The following TNFRSF10A variants were observed in gnomAD, a reference collection of about 807,000 sequenced individuals.
The protein encoded by TNFRSF10A is tumor necrosis factor receptor superfamily member 10A.
Under a neutral mutation model 42.8 loss-of-function variants are expected in TNFRSF10A, and 44 were observed. That is an observed-to-expected ratio of 1.03 (90% confidence interval 0.81 to 1.32). The LOEUF (loss-of-function observed/expected upper bound fraction) is 1.32. TNFRSF10A is among the 40% of genes most tolerant of loss of function. The pLI is 0.00. For missense variants in TNFRSF10A, 680 were observed against 602.0 expected, an observed-to-expected ratio of 1.13 and a Z score of -1.36; for synonymous variants, 259 against 234.2, an observed-to-expected ratio of 1.11 and a Z score of -0.97.
chr8:23,191,938 T>G lies in TNFRSF10A; in HGVS notation c.1163A>C (p.Asp388Ala). 3 of 1,614,148 alleles carry G rather than the reference T, an allele frequency of 1.9e-6. No individual in the cohort carries two copies. The highest frequency in any genetic ancestry group is 2.5e-6 in the Non-Finnish European group (3 of 1,180,028). Residue 388 changes from aspartate to alanine, a missense_variant, in exon 10 of 10, where the codon GAC becomes GCC. By Grantham distance (126) the Asp-to-Ala change is moderately radical (BLOSUM62 -2). Coordinates refer to ENST00000221132, the MANE Select transcript of TNFRSF10A (RefSeq NM_003844.4). ...CACATCGATCTCATTTTTCGTGAGG[T>G]CCAGCTGCCTCATGAGCTGGTCCCA... ...DSWDQLMRQL[D>A]LTKNEIDVVR...
intron 7 of TNFRSF10A, among the ~76,000 whole-genome samples, 188 bp from the exon 8 acceptor site, chr8:23,199,636 C>T (rs568777372): frequency 5.9e-4 from 90 of 152,246 alleles, no homozygotes; most frequent in Middle Eastern, 3.4e-3. Context: ...TCACCCCATC[C>T]CCAGGGTACA....
rs935629570 is a variant in TNFRSF10A at position 23,190,662 on chromosome 8, T to C, written c.*1032A>G. 1 of 152,226 alleles carries C rather than the reference T, an allele frequency of 6.6e-6. No individual in the cohort carries two copies. Among genetic ancestry groups the C allele is most frequent in the Non-Finnish European group, 1.5e-5 (1 of 68,038 alleles). The allele number at this position is 152,226 out of a possible 1,614,324, so 9.4% of individuals were successfully genotyped here. A position where few individuals can be genotyped will look rare whatever the true frequency, so the allele number is the denominator to read the frequency against. The stretch of plus-strand genomic sequence containing the variant: ...ACTGGACGGCCACCATCTTATATGC[T>C]GTTCCCTTGACTGAAATGTTGTGGG... On this transcript the variant is annotated 3_prime_UTR_variant, in exon 10 of 10. Coordinates refer to ENST00000221132, the MANE Select transcript of TNFRSF10A (RefSeq NM_003844.4).
chr8:23,219,118 A>C (rs73222598), intron 1 of TNFRSF10A, among the ~76,000 whole-genome samples: 40,187 of 151,842 alleles, frequency 0.26, 5,806 homozygotes, highest in East Asian at 0.68. Context: ...GGTGGCCCCC[A>C]TGCTTCCTGA....
chr8:23,200,373 G>C (rs982038030), intron 6 of TNFRSF10A, 132 bp downstream of exon 6: 108 of 976,232 alleles, frequency 1.1e-4, no homozygotes, highest in Non-Finnish European at 1.6e-4. Flanking sequence ...GATGGGGGGT[G>C]ATCACAAGGA....
intron 2 of TNFRSF10A, among the ~76,000 whole-genome samples, chr8:23,211,046 C>G (rs1275968120): frequency 2.6e-5 from 4 of 152,132 alleles, no homozygotes; most frequent in Admixed American, 1.3e-4. Flanking sequence ...GTACTGGAGG[C>G]TCTAGCCAGG....
At chr8:23,200,012 G>A in intron 6 of TNFRSF10A, 95 bp from the exon 7 acceptor site, 1 of 1,497,248 alleles carries the variant, frequency 6.7e-7, no homozygotes, top group Non-Finnish European at 9.2e-7. Context: ...GCTGGGGGCT[G>A]GGACACTGGA....
chr8:23,213,436 C>CTTTT lies in TNFRSF10A; in HGVS notation c.307-1228_307-1225dup, dbSNP rs58691757. ...GCTGGTTTGGGCTTAGTTTGCTCCTCTTTTTTTTTTTTTTTTTTTTTTTTT... is the reference window on the plus strand; with the variant it reads ...GCTGGTTTGGGCTTAGTTTGCTCCTCTTTTTTTTTTTTTTTTTTTTTTTTTTTTT... On this transcript the variant is annotated intron_variant, in intron 1 of 9. Transcript: ENST00000221132. 7.0e-4 allele frequency among the ~76,000 whole-genome samples: 48 copies of CTTTT among 68,650 alleles called. 3 individuals are homozygous for CTTTT. The highest frequency in any genetic ancestry group is 1.0e-3 in the African/African-American group (17 of 16,490). The allele number at this position is 68,650 out of a possible 152,430, so 45.0% of individuals were successfully genotyped here. A position where few individuals can be genotyped will look rare whatever the true frequency, so the allele number is the denominator to read the frequency against.
chr8:23,218,878 G>C (rs1585288540), intron 1 of TNFRSF10A, among the ~76,000 whole-genome samples: 1 of 152,344 alleles, frequency 6.6e-6, no homozygotes, highest in South Asian at 2.1e-4. Flanking sequence ...AGGATTAAGT[G>C]TGTTCATTTA....
At chr8:23,224,688 C>A in intron 1 of TNFRSF10A, 68 bp downstream of exon 1, 1 of 1,494,872 alleles carries the variant, frequency 6.7e-7, no homozygotes, top group Non-Finnish European at 9.0e-7. Flanking sequence ...GCCGCGTCCC[C>A]CTCTCTCTCT....
chr8:23,196,840 C>A (rs1276044511), intron 9 of TNFRSF10A, among the ~76,000 whole-genome samples: 1 of 152,174 alleles, frequency 6.6e-6, no homozygotes, highest in Non-Finnish European at 1.5e-5. Context: ...CCATGCAGGA[C>A]AGGGCAGCCC....
At chr8:23,200,966 C>T (rs1800905286) in intron 4 of TNFRSF10A, among the ~76,000 whole-genome samples, 2 of 152,200 alleles carry the variant, frequency 1.3e-5, no homozygotes, top group Admixed American at 1.3e-4. Context: ...CCTTGGCCTC[C>T]CTGCTCTGGG....
intron 1 of TNFRSF10A, among the ~76,000 whole-genome samples, chr8:23,224,236 C>G (rs1007770527): frequency 1.7e-4 from 24 of 140,788 alleles, no homozygotes; most frequent in African/African-American, 5.8e-4. Flanking sequence ...GAAGGCGGAG[C>G]TTGCAGTGAG....
intron 4 of TNFRSF10A, 21 bp from the exon 5 acceptor site, chr8:23,200,781 A>AGGGGGGGGGG: frequency 1.4e-6 from 1 of 705,678 alleles, no homozygotes; most frequent in African/African-American, 1.8e-5. Flanking sequence ...ACAGGGAGGG[A>AGGGGGGGGGG]GGGGGGGGAC....
chr8:23,213,819 T>C (rs1461458804), intron 1 of TNFRSF10A, among the ~76,000 whole-genome samples: 1 of 152,220 alleles, frequency 6.6e-6, no homozygotes, highest in Non-Finnish European at 1.5e-5. Context: ...GTGGTGAGCA[T>C]TTACAGCTAT....
Position 23,199,403 on chromosome 8 carries a change from C to A in TNFRSF10A, c.877G>T (p.Asp293Tyr), listed in dbSNP as rs1029827183. ...LGLLRGPGAE[D>Y]NAHNEILSNA... ...CTCAGAATCTCGTTGTGAGCATTGT[C>A]CTCAGCCCCAGGCCCTCGTAGGAGA... The change falls in exon 8 of 10, where the codon GAC (aspartate) becomes TAC (tyrosine). Residue 293 changes from aspartate (D) to tyrosine (Y), a missense_variant. Coordinates refer to ENST00000221132, the MANE Select transcript of TNFRSF10A (RefSeq NM_003844.4). The A allele has an allele frequency of 1.2e-6, 2 of 1,613,986 alleles. No homozygotes were observed. The highest frequency in any genetic ancestry group is 1.7e-6 in the Non-Finnish European group (2 of 1,179,848).
chr8:23,199,320 C>G lies in TNFRSF10A; in HGVS notation c.960G>C (p.Pro320=). ...VSEQQMESQE[P]ADLTGVTVQS... ...GTACAGTGACACCTGTCAAATCTGC[C>G]GGCTCCTGGCTTTCCATTTGCTGCT... Residue 320 remains proline, a synonymous_variant, in exon 8 of 10, where the codon CCG becomes CCC. Coordinates refer to ENST00000221132, the MANE Select transcript of TNFRSF10A (RefSeq NM_003844.4). 6.2e-7 allele frequency: 1 copy of G among 1,614,182 alleles called. No homozygotes were observed. The highest frequency in any genetic ancestry group is 1.3e-5 in the African/African-American group (1 of 75,044).
At chr8:23,217,699 T>C (rs528855339) in intron 1 of TNFRSF10A, among the ~76,000 whole-genome samples, 1 of 152,292 alleles carries the variant, frequency 6.6e-6, no homozygotes, top group African/African-American at 2.4e-5. Context: ...CACATCTGCA[T>C]TGGTGCGGGC....
intron 9 of TNFRSF10A, among the ~76,000 whole-genome samples, chr8:23,195,258 G>C (rs77946535): frequency 0.015 from 2,315 of 152,328 alleles, 55 homozygotes; most frequent in African/African-American, 0.053. Context: ...TGAACTAATA[G>C]AGGACTGAAA....
intron 2 of TNFRSF10A, among the ~76,000 whole-genome samples, chr8:23,206,070 G>GT (rs1419581878): frequency 1.3e-5 from 2 of 152,066 alleles, no homozygotes; most frequent in Non-Finnish European, 2.9e-5. Flanking sequence ...GTAAAAAAAA[G>GT]TTTAAGTTAA....
Sources: allele counts gnomAD v4.1 joint callset (sites outside exome capture counted in the v4.1 genomes callset), GRCh38; gene constraint gnomAD v4.1.1; transcripts MANE v1.5; gene names NCBI Gene and HGNC (gene_info 2026-07-23, HGNC 2026-07-21).